STK3: variants seen among roughly 807,000 people sequenced by gnomAD.
The protein encoded by STK3 is serine/threonine-protein kinase 3.
Under a neutral mutation model 58.0 loss-of-function variants are expected in STK3, and 41 were observed. The observed-to-expected ratio is 0.71, with a 90% CI of 0.55 to 0.92. The LOEUF is 0.92. STK3 is among the 40% of genes least tolerant of loss of function. The pLI is 0.00. For synonymous variants in STK3, 170 were observed against 191.0 expected, an observed-to-expected ratio of 0.89 and a Z score of 0.91; for missense variants, 479 against 602.7, an observed-to-expected ratio of 0.79 and a Z score of 2.15.
chr8:98,512,024 GGTTT>G (rs1824556915), intron 10 of STK3, among the ~76,000 whole-genome samples: 1 of 151,862 alleles, frequency 6.6e-6, no homozygotes, highest in Admixed American at 6.6e-5. Flanking sequence ...ACAATGTGCA[GGTTT>G]GTTACATATG....
intron 9 of STK3, among the ~76,000 whole-genome samples, chr8:98,529,190 T>C (rs190611137): frequency 6.6e-6 from 1 of 152,342 alleles, no homozygotes; most frequent in East Asian, 1.9e-4. Context: ...GACTTATTTT[T>C]AGTCTTTAAA....
chr8:98,743,026 A>T (rs933050403), intron 4 of STK3, among the ~76,000 whole-genome samples: 1 of 152,038 alleles, frequency 6.6e-6, no homozygotes, highest in Non-Finnish European at 1.5e-5. Context: ...CTTACAAGGG[A>T]CGTGAAGGAC....
intron 7 of STK3, among the ~76,000 whole-genome samples, chr8:98,588,438 C>A (rs1351218885): frequency 6.6e-6 from 1 of 151,362 alleles, no homozygotes; most frequent in Non-Finnish European, 1.5e-5. Flanking sequence ...CCACTCTCTT[C>A]TGGCTTGTAG....
chr8:98,406,656 C>T (rs1179136789), intron 3 of STK3, among the ~76,000 whole-genome samples: 1 of 152,174 alleles, frequency 6.6e-6, no homozygotes, highest in African/African-American at 2.4e-5. Flanking sequence ...CTGGCTCTAG[C>T]CTGACTGAGA....
chr8:98,656,029 T>C (rs1056763488), intron 6 of STK3, among the ~76,000 whole-genome samples: 9 of 140,804 alleles, frequency 6.4e-5, no homozygotes, highest in African/African-American at 2.2e-4. Flanking sequence ...TAAAGACACA[T>C]GCACACGTAT....
chr8:98,581,571 T>A (rs1356456352), intron 7 of STK3, among the ~76,000 whole-genome samples: 2 of 151,952 alleles, frequency 1.3e-5, no homozygotes, highest in African/African-American at 4.8e-5. Context: ...GCCATAGTTT[T>A]CTTGGTGGTG....
chr8:98,456,130 T>C (rs533662391), intron 10 of STK3, 130 bp from the exon 11 acceptor site: 2 of 951,430 alleles, frequency 2.1e-6, no homozygotes, highest in South Asian at 3.7e-5. Context: ...TACATCATCT[T>C]TGAAGTATAG....
intron 4 of STK3, among the ~76,000 whole-genome samples, chr8:98,735,852 T>C (rs368203890): frequency 6.6e-6 from 1 of 152,208 alleles, no homozygotes; most frequent in Middle Eastern, 3.2e-3. Flanking sequence ...CTTCATCTTT[T>C]CCTACATGTT....
At chr8:98,752,551 C>T (rs1260225395) in intron 3 of STK3, among the ~76,000 whole-genome samples, 4 of 151,734 alleles carry the variant, frequency 2.6e-5, no homozygotes, top group South Asian at 2.1e-4. Flanking sequence ...AAAGATTTCA[C>T]GACAAAGACA....
intron 1 of STK3, among the ~76,000 whole-genome samples, chr8:98,897,612 C>CA (rs550292948): frequency 1.2e-4 from 18 of 150,530 alleles, no homozygotes; most frequent in African/African-American, 2.4e-4. Context: ...AACAAACAAA[C>CA]AAAAAAAAAG....
intron 6 of STK3, among the ~76,000 whole-genome samples, chr8:98,647,123 T>A (rs1238183083): frequency 6.6e-6 from 1 of 152,152 alleles, no homozygotes; most frequent in Non-Finnish European, 1.5e-5. Flanking sequence ...CTCTGCTCCC[T>A]TCTGCCTCTC....
intron 10 of STK3, among the ~76,000 whole-genome samples, chr8:98,487,204 A>C (rs1053891417): frequency 1.3e-5 from 2 of 152,172 alleles, no homozygotes; most frequent in Non-Finnish European, 2.9e-5. Context: ...GAAGGTAATA[A>C]ATTCAATGAG....
chr8:98,637,836 G>A (rs1025872724), intron 6 of STK3, among the ~76,000 whole-genome samples: 6 of 152,158 alleles, frequency 3.9e-5, no homozygotes, highest in South Asian at 2.1e-4. Flanking sequence ...ATCAATGTTT[G>A]TAATCTCAAA....
chr8:98,600,481 C>T (rs1329625341), intron 6 of STK3, among the ~76,000 whole-genome samples: 2 of 152,168 alleles, frequency 1.3e-5, no homozygotes, highest in African/African-American at 4.8e-5. Flanking sequence ...GACTGAGGCT[C>T]ACAAGAGTAA....
intron 1 of STK3, among the ~76,000 whole-genome samples, chr8:98,901,958 T>C (rs1396691705): frequency 6.6e-6 from 1 of 152,190 alleles, no homozygotes; most frequent in Non-Finnish European, 1.5e-5. Flanking sequence ...ACTTCCTTAC[T>C]CCATTGCCTG....
chr8:98,429,436 A>G (rs754078070), intron 3 of STK3: 5 of 1,533,898 alleles, frequency 3.3e-6, no homozygotes, highest in Non-Finnish European at 4.5e-6. Context: ...GTCACCCTCC[A>G]CCCCACATTG....
intron 6 of STK3, among the ~76,000 whole-genome samples, chr8:98,654,948 T>C (rs191884744): frequency 2.0e-5 from 3 of 152,166 alleles, no homozygotes; most frequent in African/African-American, 4.8e-5. Flanking sequence ...CCCATCAAGC[T>C]ACCAGTGACT....
At chr8:98,939,009 T>C (rs990082083) in intron 1 of STK3, among the ~76,000 whole-genome samples, 6 of 152,034 alleles carry the variant, frequency 3.9e-5, no homozygotes, top group African/African-American at 1.5e-4. Context: ...TCTCCATTGC[T>C]CTCCCCACCA....
chr8:98,467,255 A>T (rs2131202594), intron 10 of STK3, among the ~76,000 whole-genome samples: 1 of 152,238 alleles, frequency 6.6e-6, no homozygotes, highest in Non-Finnish European at 1.5e-5. Flanking sequence ...CCACCAGGTT[A>T]TAAATTCCAT....
Sources: allele counts gnomAD v4.1 joint callset (sites outside exome capture counted in the v4.1 genomes callset), GRCh38; gene constraint gnomAD v4.1.1; transcripts MANE v1.5; gene names NCBI Gene and HGNC (gene_info 2026-07-23, HGNC 2026-07-21).